CDK14: variants seen among roughly 807,000 people sequenced by gnomAD.
CDK14 encodes the protein cyclin dependent kinase 14.
A neutral mutation model predicts 60.7 loss-of-function variants in CDK14; 34 were observed. The observed-to-expected ratio is 0.56, with a 90% CI of 0.43 to 0.75. CDK14 has a LOEUF of 0.75. CDK14 is among the 30% of genes least tolerant of loss of function. The pLI, the probability that CDK14 is intolerant of heterozygous loss-of-function variation, is 0.00. For missense variants in CDK14, 482 were observed against 564.1 expected, an observed-to-expected ratio of 0.85 and a Z score of 1.47; for synonymous variants, 197 against 203.7, an observed-to-expected ratio of 0.97 and a Z score of 0.28.
At chr7:91,168,164 A>G (rs1801405195) in intron 14 of CDK14, among the ~76,000 whole-genome samples, 1 of 151,304 alleles carries the variant, frequency 6.6e-6, no homozygotes, top group Non-Finnish European at 1.5e-5. Context: ...CGGGATACTG[A>G]GGCAGGAGAA....
At chr7:91,055,906 C>G (rs1584270295) in intron 11 of CDK14, among the ~76,000 whole-genome samples, 1 of 152,150 alleles carries the variant, frequency 6.6e-6, no homozygotes, top group East Asian at 1.9e-4. Flanking sequence ...CATAAACTGG[C>G]CGTACACTTT....
intron 12 of CDK14, among the ~76,000 whole-genome samples, chr7:91,104,971 A>G (rs1055932141): frequency 1.3e-5 from 2 of 152,206 alleles, no homozygotes; most frequent in East Asian, 1.9e-4. Context: ...TTTTATAGTA[A>G]CTAATTAGAT....
chr7:90,757,726 C>T (rs1057030702), intron 4 of CDK14, among the ~76,000 whole-genome samples: 4 of 152,026 alleles, frequency 2.6e-5, no homozygotes, highest in Non-Finnish European at 5.9e-5. Context: ...TCAGCACCCC[C>T]GAGTAGCTGG....
chr7:91,033,690 G>A (rs1381063045), intron 10 of CDK14, among the ~76,000 whole-genome samples: 1 of 152,178 alleles, frequency 6.6e-6, no homozygotes, highest in East Asian at 1.9e-4. Context: ...GTTTCAGGCA[G>A]TCAGGCTGGT....
chr7:91,207,725 G>C lies in CDK14; in HGVS notation c.*589G>C, dbSNP rs1158245362. 6.6e-6 allele frequency: 1 copy of C among 152,618 alleles called. No homozygotes were observed. Among genetic ancestry groups the C allele is most frequent in the Admixed American group, 6.5e-5 (1 of 15,276 alleles). The allele number at this position is 152,618 out of a possible 1,614,324, so 9.5% of individuals were successfully genotyped here. ...GTTGCTTACCTTTTGAGGTAATTTT[G>C]CAAATGTGGTTTTTTTACTTGGAAA... On this transcript the variant is annotated 3_prime_UTR_variant, in exon 15 of 15. Coordinates refer to ENST00000380050, the MANE Select transcript of CDK14 (RefSeq NM_001287135.2).
intron 4 of CDK14, among the ~76,000 whole-genome samples, chr7:90,758,288 C>T (rs997446197): frequency 6.6e-6 from 1 of 152,012 alleles, no homozygotes; most frequent in African/African-American, 2.4e-5. Flanking sequence ...CTCTCTCTCT[C>T]TCTGTTTTTA....
chr7:91,101,879 A>G (rs954074601), intron 12 of CDK14, among the ~76,000 whole-genome samples: 1 of 152,208 alleles, frequency 6.6e-6, no homozygotes, highest in African/African-American at 2.4e-5. Context: ...TTTGAAAAAC[A>G]AAAGCAGTGT....
rs139472134 is a variant in CDK14, at chr7:91,098,286, C to T, written c.1155-14256C>T. Among the ~76,000 whole-genome samples, 697 of 152,234 alleles carry T rather than the reference C, an allele frequency of 4.6e-3. 5 individuals are homozygous for T. Among genetic ancestry groups the T allele is most frequent in the Non-Finnish European group, 6.9e-3 (468 of 68,014 alleles). On this transcript the variant is annotated intron_variant, in intron 12 of 14. Coordinates refer to ENST00000380050, the MANE Select transcript of CDK14 (RefSeq NM_001287135.2). ...GACCTCCGACCTAACTGAATATTCT[C>T]TCATTTTGATATAAATGGGAGCATT...
At chr7:90,854,996 C>T (rs1790777041) in intron 5 of CDK14, among the ~76,000 whole-genome samples, 1 of 152,164 alleles carries the variant, frequency 6.6e-6, no homozygotes, top group Non-Finnish European at 1.5e-5. Flanking sequence ...GTAGTACCTG[C>T]ATTTGTTTGG....
In CDK14 at chr7:90,795,038, T is replaced by TA. The variant is rs553231891; in HGVS notation, c.544+4388dup. On this transcript the variant is annotated intron_variant, in intron 5 of 14. Transcript: ENST00000380050. ...GTCTCATGTCCCACAAGCTTTTTTTTAATGTCTTACTGAGCATTCATGCAG... is the reference window on the plus strand; with the variant it reads ...GTCTCATGTCCCACAAGCTTTTTTTTAAATGTCTTACTGAGCATTCATGCAG... Among the ~76,000 whole-genome samples, 27 of 152,342 alleles carry TA rather than the reference T, an allele frequency of 1.8e-4. No individual in the cohort carries two copies. The South Asian group carries it at 5.4e-3, about 30-fold the overall frequency.
intron 11 of CDK14, among the ~76,000 whole-genome samples, chr7:91,050,191 A>G (rs1194383598): frequency 1.3e-5 from 2 of 152,208 alleles, no homozygotes; most frequent in African/African-American, 4.8e-5. Context: ...AGAAAGCTCT[A>G]GAAGATTTTG....
At chr7:91,129,118 G>A (rs977338687) in intron 14 of CDK14, among the ~76,000 whole-genome samples, 1 of 152,158 alleles carries the variant, frequency 6.6e-6, no homozygotes, top group Non-Finnish European at 1.5e-5. Context: ...ATACCATGTG[G>A]ATCCCCAGGG....
In CDK14 at chr7:91,167,646, A is replaced by G. The variant is rs1801386450; in HGVS notation, c.*29-39519A>G. 3.9e-5 allele frequency among the ~76,000 whole-genome samples: 6 copies of G among 152,204 alleles called. No homozygotes were observed. In the South Asian group the frequency reaches 1.2e-3, roughly 31 times the overall value. ...TTCATTTTGGATCCCAAATGATCCA[A>G]GTGGACACCATGATGTTGCCCCCAA... On this transcript the variant is annotated intron_variant, in intron 14 of 14. Coordinates refer to ENST00000380050, the MANE Select transcript of CDK14 (RefSeq NM_001287135.2).
At chr7:90,897,296 CTTAG>C (rs961557770) in intron 6 of CDK14, among the ~76,000 whole-genome samples, 64 of 151,802 alleles carry the variant, frequency 4.2e-4, no homozygotes, top group African/African-American at 1.3e-3. Flanking sequence ...ATTTATTGTT[CTTAG>C]TTTGTGTTTG....
chr7:90,876,302 A>G (rs1044313856), intron 6 of CDK14, among the ~76,000 whole-genome samples: 5 of 152,240 alleles, frequency 3.3e-5, no homozygotes, highest in African/African-American at 1.2e-4. Context: ...AGACCCCTAC[A>G]TAATCCCCCA....
At chr7:91,061,047 T>C (rs1226721259) in intron 11 of CDK14, among the ~76,000 whole-genome samples, 1 of 152,240 alleles carries the variant, frequency 6.6e-6, no homozygotes, top group Admixed American at 6.5e-5. Context: ...CAGTCAGATG[T>C]ACATTTGATC....
intron 10 of CDK14, among the ~76,000 whole-genome samples, chr7:90,993,855 A>G (rs1027337508): frequency 5.3e-5 from 8 of 152,178 alleles, no homozygotes; most frequent in Admixed American, 2.0e-4. Context: ...AAGCTTTTAT[A>G]TCTTCCTACC....
chr7:90,729,448 A>G (rs915682986), intron 3 of CDK14, among the ~76,000 whole-genome samples: 2 of 134,292 alleles, frequency 1.5e-5, no homozygotes, highest in African/African-American at 2.8e-5. Context: ...TCTCGTCTCT[A>G]GTGTTCTCTT....
chr7:90,795,258 G>A (rs150882240), intron 5 of CDK14, among the ~76,000 whole-genome samples: 1 of 152,214 alleles, frequency 6.6e-6, no homozygotes, highest in African/African-American at 2.4e-5. Flanking sequence ...TAGTGGCAGT[G>A]CTGCTTGTGT....
Sources: allele counts gnomAD v4.1 joint callset (sites outside exome capture counted in the v4.1 genomes callset), GRCh38; gene constraint gnomAD v4.1.1; transcripts MANE v1.5; gene names NCBI Gene and HGNC (gene_info 2026-07-23, HGNC 2026-07-21).